The following HSD17B4 variants were observed in gnomAD, a reference collection of about 807,000 sequenced individuals.
The protein encoded by HSD17B4 is hydroxysteroid 17-beta dehydrogenase 4, also known as peroxisomal multifunctional enzyme type 2.
A neutral mutation model predicts 101.0 loss-of-function variants in HSD17B4; 70 were observed. That is an observed-to-expected ratio of 0.69 (90% confidence interval 0.57 to 0.85). The LOEUF (loss-of-function observed/expected upper bound fraction) is 0.85, where lower values mean the gene tolerates loss of function less well. HSD17B4 is among the 40% of genes least tolerant of loss of function. The pLI is 0.00. For synonymous variants in HSD17B4, 347 were observed against 297.1 expected, an observed-to-expected ratio of 1.17 and a Z score of -1.73; for missense variants, 984 against 892.4, an observed-to-expected ratio of 1.10 and a Z score of -1.31.
chr5:119,479,701 G>A (rs12189265), intron 8 of HSD17B4, among the ~76,000 whole-genome samples: 519 of 152,024 alleles, frequency 3.4e-3, no homozygotes, highest in Non-Finnish European at 5.4e-3. Context: ...GTAATATTCC[G>A]TGGTATGAAT....
intron 17 of HSD17B4, among the ~76,000 whole-genome samples, chr5:119,516,181 T>C (rs1752599095): frequency 6.6e-6 from 1 of 152,202 alleles, no homozygotes; most frequent in African/African-American, 2.4e-5. Flanking sequence ...GTTTTATTCT[T>C]GCTTTTAAAT....
At chr5:119,501,771 A>G (rs572062488) in intron 13 of HSD17B4, among the ~76,000 whole-genome samples, 1 of 152,302 alleles carries the variant, frequency 6.6e-6, no homozygotes, top group African/African-American at 2.4e-5. Context: ...CTTGGCAAAT[A>G]ATATGTAATT....
At chr5:119,541,835 A>G in intron 23 of HSD17B4, 70 bp from the exon 24 acceptor site, 1 of 218,018 alleles carries the variant, frequency 4.6e-6, no homozygotes, top group East Asian at 1.2e-4. Context: ...GAATAATCTT[A>G]AAAAAAAAAA....
intron 7 of HSD17B4, chr5:119,478,046 C>T (rs184150346): frequency 6.8e-5 from 11 of 160,682 alleles, no homozygotes; most frequent in Admixed American, 1.8e-4. Flanking sequence ...ATTGAGGATT[C>T]GGTTATACCT....
At chr5:119,534,469 A>T (rs938398292) in intron 22 of HSD17B4, among the ~76,000 whole-genome samples, 2 of 152,008 alleles carry the variant, frequency 1.3e-5, no homozygotes, top group African/African-American at 4.8e-5. Context: ...TTGCCACAGT[A>T]TGTAAGAATG....
chr5:119,504,317 A>G (rs916048141), intron 14 of HSD17B4, among the ~76,000 whole-genome samples: 1 of 152,194 alleles, frequency 6.6e-6, no homozygotes, highest in Admixed American at 6.5e-5. Flanking sequence ...TTGCTGGGTC[A>G]AATGGTAGTT....
intron 20 of HSD17B4, 44 bp downstream of exon 20, chr5:119,527,263 G>A (rs1312754207): frequency 9.2e-7 from 1 of 1,087,208 alleles, no homozygotes; most frequent in Non-Finnish European, 1.4e-6. Flanking sequence ...CTTTATCATT[G>A]TGTTCCATCT....
intron 2 of HSD17B4, 108 bp downstream of exon 2, chr5:119,456,476 T>C: frequency 2.4e-6 from 2 of 826,736 alleles, no homozygotes; most frequent in Non-Finnish European, 4.1e-6. Context: ...TGAATTTTAT[T>C]ATTAATTTTT....
At chr5:119,482,980 C>T (rs1329072357) in intron 8 of HSD17B4, among the ~76,000 whole-genome samples, 2 of 151,866 alleles carry the variant, frequency 1.3e-5, no homozygotes, top group Non-Finnish European at 1.5e-5. Context: ...TCACTCTTCC[C>T]CTAGGTCAGA....
At chr5:119,495,355 C>T (rs866013595) in intron 11 of HSD17B4, among the ~76,000 whole-genome samples, 17 of 152,080 alleles carry the variant, frequency 1.1e-4, no homozygotes, top group Admixed American at 3.9e-4. Context: ...TGAAAAGATA[C>T]CTCTATTTGA....
chr5:119,538,419 C>G (rs924980025), intron 23 of HSD17B4, among the ~76,000 whole-genome samples: 5 of 152,218 alleles, frequency 3.3e-5, no homozygotes, highest in East Asian at 1.9e-4. Flanking sequence ...TGTTCTCCAC[C>G]CAGGAGCCAG....
rs759164470 is a variant in HSD17B4, at chr5:119,496,553, C to T, written c.879C>T (p.Gly293=). ...SKPQSIQEST[G]SIIEVLSKID... ...CATTTTTCATTTTAGAATCAACTGGCAGTATAATTGAAGTTCTGAGTAAAA... is the reference window on the plus strand; with the variant it reads ...CATTTTTCATTTTAGAATCAACTGGTAGTATAATTGAAGTTCTGAGTAAAA... The change falls in exon 12 of 24, where the codon GGC becomes GGT. Residue 293 remains glycine, a synonymous_variant. Transcript: ENST00000510025. 1 of 1,543,108 alleles carries T rather than the reference C, an allele frequency of 6.5e-7. No homozygotes were observed. The highest frequency in any genetic ancestry group is 1.1e-5 in the South Asian group (1 of 89,576).
Position 119,477,400 on chromosome 5 carries a change from A to G in HSD17B4, c.350-17A>G, listed in dbSNP as rs754175509. On this transcript the variant is annotated splice_polypyrimidine_tract_variant and intron_variant, in intron 6 of 23. Transcript: ENST00000510025. Reference sequence around the variant, plus strand: ...AGTTTTTACAAAATATTTAATAAAAATAATTTATTGTTTTAGATATAATCC... The same window carrying G: ...AGTTTTTACAAAATATTTAATAAAAGTAATTTATTGTTTTAGATATAATCC... The G allele has an allele frequency of 2.6e-6, 4 of 1,541,528 alleles. No individual in the cohort carries two copies. In the African/African-American group the frequency reaches 5.5e-5, roughly 21 times the overall value.
chr5:119,535,776 C>G (rs931186979), intron 22 of HSD17B4: 5 of 151,154 alleles, frequency 3.3e-5, no homozygotes, highest in African/African-American at 1.2e-4. Context: ...ATAGGGGATA[C>G]AAAGACAAAA....
chr5:119,479,665 T>A lies in HSD17B4; in HGVS notation c.622+644T>A, dbSNP rs181756019. On this transcript the variant is annotated intron_variant, in intron 8 of 23. Transcript: ENST00000510025. Reference sequence around the variant, plus strand: ...CTTTTCTTCCTGAATTCTCAGGGATTGAAGCTCATTTCTTTTTATTTTTCA... The same window carrying A: ...CTTTTCTTCCTGAATTCTCAGGGATAGAAGCTCATTTCTTTTTATTTTTCA... Among the ~76,000 whole-genome samples the A allele has an allele frequency of 4.1e-4, 62 of 152,312 alleles. 1 individual carries two copies. In the East Asian group the frequency reaches 0.012, roughly 29 times the overall value.
At chr5:119,482,920 T>A (rs1189720854) in intron 8 of HSD17B4, among the ~76,000 whole-genome samples, 1 of 152,028 alleles carries the variant, frequency 6.6e-6, no homozygotes, top group African/African-American at 2.4e-5. Context: ...TTTTTTTCTT[T>A]TCCTTCCCTT....
At chr5:119,527,005 T>G in intron 19 of HSD17B4, 128 bp from the exon 20 acceptor site, 2 of 653,342 alleles carry the variant, frequency 3.1e-6, no homozygotes, top group South Asian at 3.6e-5. Flanking sequence ...CTTTTATGAA[T>G]TTAAATATCT....
At position 119,535,051 on chromosome 5, in the gene HSD17B4, A is replaced by G. The variant is rs183518457; in HGVS notation, c.1994-1372A>G. ...TTTGTCTTTCATCCAGTTTCCTCAA[A>G]TTGTTAAAATTTGTATCTCATCTTC... On this transcript the variant is annotated intron_variant, in intron 22 of 23. Transcript: ENST00000510025. 1.4e-4 allele frequency among the ~76,000 whole-genome samples: 22 copies of G among 152,174 alleles called. No individual in the cohort carries two copies. In the East Asian group the frequency reaches 4.3e-3, roughly 29 times the overall value.
At chr5:119,492,401 G>C in intron 10 of HSD17B4, 1 of 425,158 alleles carries the variant, frequency 2.4e-6, no homozygotes, top group Non-Finnish European at 4.3e-6. Flanking sequence ...CCTTCAGACA[G>C]CATATATTGA....
Sources: allele counts gnomAD v4.1 joint callset (sites outside exome capture counted in the v4.1 genomes callset), GRCh38; gene constraint gnomAD v4.1.1; transcripts MANE v1.5; gene names NCBI Gene and HGNC (gene_info 2026-07-23, HGNC 2026-07-21).